Variants in SNX1 observed in about 807,000 individuals in gnomAD.
SNX1 encodes the protein sorting nexin-1.
SNX1 carries 36 observed loss-of-function variants against 71.8 expected under a neutral mutation model. The ratio of observed to expected loss-of-function variants is 0.50; its 90% CI spans 0.38 to 0.66. The LOEUF (loss-of-function observed/expected upper bound fraction) is 0.66, where lower values mean the gene tolerates loss of function less well. Among genes scored for constraint, SNX1 ranks in the 30% least tolerant of loss-of-function variants. SNX1 has a pLI of 0.00. For synonymous variants in SNX1, 254 were observed against 240.7 expected, an observed-to-expected ratio of 1.06 and a Z score of -0.51; for missense variants, 612 against 646.7, an observed-to-expected ratio of 0.95 and a Z score of 0.58.
At chr15:64,097,881 G>A (rs2080919554) in intron 1 of SNX1, among the ~76,000 whole-genome samples, 1 of 152,192 alleles carries the variant, frequency 6.6e-6, no homozygotes, top group African/African-American at 2.4e-5. Context: ...TTCCTCATTT[G>A]TGTCAGATTT....
chr15:64,096,308 A>G, intron 1 of SNX1, 136 bp downstream of exon 1: 1 of 1,052,900 alleles, frequency 9.5e-7, no homozygotes, highest in Non-Finnish European at 1.3e-6. Flanking sequence ...GGCCCCGGGG[A>G]CCCTGGATGT....
At chr15:64,130,432 C>G in intron 10 of SNX1, 111 bp downstream of exon 10, 1 of 859,576 alleles carries the variant, frequency 1.2e-6, no homozygotes. Flanking sequence ...TTGAAATTCT[C>G]AGCCCACCTG....
rs10678401 is a variant in SNX1, at chr15:64,140,983, T to TAGATAGATAGATAGATAGATAGATAGATA, written c.*3365_*3366insAGATAGATAGATAGATAGATAGATAGATA. 11 of 148,780 alleles carry TAGATAGATAGATAGATAGATAGATAGATA rather than the reference T, an allele frequency of 7.4e-5. No homozygotes were observed. The highest frequency in any genetic ancestry group is 2.0e-4 in the East Asian group (1 of 5,122). The allele number at this position is 148,780 out of a possible 1,614,324, so 9.2% of individuals were successfully genotyped here. Reference sequence around the variant, plus strand: ...GCTCTCACCATACAGTGCAAAGAGATGATAGATAGATAGATAGATAGATAG... The same window carrying TAGATAGATAGATAGATAGATAGATAGATA: ...GCTCTCACCATACAGTGCAAAGAGATAGATAGATAGATAGATAGATAGATAGATAGATAGATAGATAGATAGATAGATAG... On this transcript the variant is annotated 3_prime_UTR_variant, in exon 15 of 15. Transcript: ENST00000559844.
At chr15:64,100,004 G>A (rs1206071763) in intron 1 of SNX1, among the ~76,000 whole-genome samples, 1 of 152,184 alleles carries the variant, frequency 6.6e-6, no homozygotes, top group Non-Finnish European at 1.5e-5. Flanking sequence ...GAGCCACCAT[G>A]CCCGACCGAC....
intron 11 of SNX1, among the ~76,000 whole-genome samples, chr15:64,133,610 A>T (rs2081329013): frequency 1.3e-5 from 2 of 152,208 alleles, no homozygotes; most frequent in South Asian, 4.1e-4. Flanking sequence ...TGTGCCTATA[A>T]TCCCAGCTAC....
chr15:64,138,323 CTCTTT>C lies in SNX1; in HGVS notation c.*707_*711del, dbSNP rs1381206119. On this transcript the variant is annotated 3_prime_UTR_variant, in exon 15 of 15. Transcript: ENST00000559844. ...CAAAGGAGGCAGAGACTTTCTCTCT[CTCTTT>C]TTTTTTTTTTTTTGGTGTCCCTATC... 12 of 694,192 alleles carry C rather than the reference CTCTTT, an allele frequency of 1.7e-5. No homozygotes were observed. The highest frequency in any genetic ancestry group is 1.7e-4 in the African/African-American group (8 of 47,974). The allele number at this position is 694,192 out of a possible 1,614,324, so 43.0% of individuals were successfully genotyped here.
Position 64,130,294 on chromosome 15 carries a change from G to C in SNX1, c.988G>C (p.Val330Leu). 6.2e-6 allele frequency: 10 copies of C among 1,614,124 alleles called. No individual in the cohort carries two copies. The highest frequency in any genetic ancestry group is 8.5e-6 in the Non-Finnish European group (10 of 1,179,984). The change falls in exon 10 of 15, where the codon GTA (valine) becomes CTA (leucine). Residue 330 changes from valine to leucine, a missense_variant. This residue lies in a region of SNX1 where 296 missense variants were observed against 361.9 expected (regional missense o/e 0.82). Transcript: ENST00000559844. ...GCGCTTACGGAAACTGCATGCTGTTGTAGAAACTCTAGTCAACCATAGGAA... is the reference window on the plus strand; with the variant it reads ...GCGCTTACGGAAACTGCATGCTGTTCTAGAAACTCTAGTCAACCATAGGAA... ...EQRLRKLHAV[V>L]ETLVNHRKEL...
Position 64,096,099 on chromosome 15 carries a change from C to T in SNX1, c.86C>T (p.Ala29Val), listed in dbSNP as rs1352814254. 2 of 1,565,858 alleles carry T rather than the reference C, an allele frequency of 1.3e-6. No homozygotes were observed. The highest frequency in any genetic ancestry group is 1.9e-5 in the Admixed American group (1 of 51,978). ...CTGGAGCCGGAGTCCGAGGGGGCGG[C>T]CGGGGGATCAGAACCCGAGGCTGGG... is the stretch of plus-strand genomic sequence containing the variant. ...PGLEPESEGAAGGSEPEAGDS... is the reference protein window; with the variant it reads ...PGLEPESEGAVGGSEPEAGDS... The change falls in exon 1 of 15, where the codon GCC (alanine) becomes GTC (valine). Residue 29 changes from alanine to valine, a missense_variant. Around this residue, in one of 2 missense-constraint regions of SNX1, gnomAD observed 316 missense variants for 284.9 expected, o/e 1.11. Coordinates refer to ENST00000559844, the MANE Select transcript of SNX1 (RefSeq NM_003099.5).
At chr15:64,118,688 A>G in intron 3 of SNX1, 100 bp from the exon 4 acceptor site, 1 of 848,298 alleles carries the variant, frequency 1.2e-6, no homozygotes. Flanking sequence ...ACTGAAGGAT[A>G]CATCTTGATT....
rs200079069 is a variant in SNX1, at chr15:64,118,231, C to T, written c.386C>T (p.Pro129Leu). The T allele has an allele frequency of 6.2e-7, 1 of 1,613,504 alleles. No individual in the cohort carries two copies. The highest frequency in any genetic ancestry group is 8.5e-7 in the Non-Finnish European group (1 of 1,179,830). The change falls in exon 3 of 15, where the codon CCA (proline) becomes CTA (leucine). Residue 129 changes from proline (P) to leucine (L), a missense_variant. Physicochemically the swap from Pro to Leu is moderately conservative, Grantham distance 98. Coordinates refer to ENST00000559844, the MANE Select transcript of SNX1 (RefSeq NM_003099.5). ...GCCACAAATTCTTCGAAGCCCCAGC[C>T]AACCTATGAGGAGGTGAGGATCTGT... is the stretch of plus-strand genomic sequence containing the variant. ...QEATNSSKPQ[P>L]TYEELEEEEQ... is the part of the protein sequence containing the mutation.
chr15:64,118,153 A>T lies in SNX1; in HGVS notation c.308A>T (p.Asn103Ile), dbSNP rs186954122. 696 of 1,612,194 alleles carry T rather than the reference A, an allele frequency of 4.3e-4. No individual in the cohort carries two copies. The highest frequency in any genetic ancestry group is 5.0e-5 in the Non-Finnish European group (59 of 1,179,556). ...GAGCTATCCTTGGACAGCACACAAAATAATCAGAAGAAGGTGCTAGCCAAA... is the reference window on the plus strand; with the variant it reads ...GAGCTATCCTTGGACAGCACACAAATTAATCAGAAGAAGGTGCTAGCCAAA... ...TVELSLDSTQ[N>I]NQKKVLAKTL... Residue 103 changes from asparagine to isoleucine, a missense_variant, in exon 3 of 15, where the codon AAT becomes ATT. Around this residue, in one of 2 missense-constraint regions of SNX1, gnomAD observed 316 missense variants for 284.9 expected, o/e 1.11. Transcript: ENST00000559844.
Position 64,096,002 on chromosome 15 carries a change from G to T in SNX1, c.-12G>T. 1 of 1,595,528 alleles carries T rather than the reference G, an allele frequency of 6.3e-7. No individual in the cohort carries two copies. Among genetic ancestry groups the T allele is most frequent in the Non-Finnish European group, 8.5e-7 (1 of 1,174,746 alleles). ...AAGTTGTTGTTGCGGCTTCCGCCGC[G>T]GGTGGAAGAAGATGGCGTCGGGTGG... On this transcript the variant is annotated 5_prime_UTR_variant, in exon 1 of 15. Coordinates refer to ENST00000559844, the MANE Select transcript of SNX1 (RefSeq NM_003099.5).
intron 4 of SNX1, 121 bp downstream of exon 4, chr15:64,118,975 C>T: frequency 1.5e-6 from 1 of 682,794 alleles, no homozygotes; most frequent in Non-Finnish European, 2.5e-6. Context: ...TCATTAGTAT[C>T]TTTTCTGTAA....
At position 64,136,951 on chromosome 15, in the gene SNX1, A is replaced by G. The variant is rs1014086918; in HGVS notation, c.1518+19A>G. ...GCAGCAGGTATGTAAGTTGTGTGTGACCTTCATCCTCTACTGCCTGCTCCA... is the reference window on the plus strand; with the variant it reads ...GCAGCAGGTATGTAAGTTGTGTGTGGCCTTCATCCTCTACTGCCTGCTCCA... On this transcript the variant is annotated intron_variant, in intron 14 of 14. Coordinates refer to ENST00000559844, the MANE Select transcript of SNX1 (RefSeq NM_003099.5). 8.7e-6 allele frequency: 14 copies of G among 1,606,678 alleles called. 1 individual carries two copies. Among genetic ancestry groups the G allele is most frequent in the Non-Finnish European group, 9.4e-6 (11 of 1,173,660 alleles).
chr15:64,113,561 C>A (rs555762124), intron 2 of SNX1, among the ~76,000 whole-genome samples: 1 of 152,212 alleles, frequency 6.6e-6, no homozygotes, highest in South Asian at 2.1e-4. Flanking sequence ...GGCTCACACC[C>A]GTAATCCCAG....
In SNX1 at chr15:64,143,243, A is replaced by C. The variant is rs2081432660; in HGVS notation, c.*5625A>C. On this transcript the variant is annotated 3_prime_UTR_variant, in exon 15 of 15. Coordinates refer to ENST00000559844, the MANE Select transcript of SNX1 (RefSeq NM_003099.5). Reference sequence around the variant, plus strand: ...GACACTGGCTAAGATTCTCTGCTCCATGTTTGGACAGGGTCGTGCCTGATC... The same window carrying C: ...GACACTGGCTAAGATTCTCTGCTCCCTGTTTGGACAGGGTCGTGCCTGATC... 6.6e-6 allele frequency: 1 copy of C among 152,452 alleles called. No homozygotes were observed. Among genetic ancestry groups the C allele is most frequent in the East Asian group, 1.9e-4 (1 of 5,206 alleles). The allele number at this position is 152,452 out of a possible 1,614,324, so 9.4% of individuals were successfully genotyped here.
intron 2 of SNX1, among the ~76,000 whole-genome samples, chr15:64,114,266 C>T (rs184054360): frequency 2.0e-5 from 3 of 151,878 alleles, no homozygotes; most frequent in Admixed American, 1.3e-4. Flanking sequence ...AAAGACTGAA[C>T]ATAAGGTAAT....
chr15:64,105,247 A>G (rs1256493670), intron 1 of SNX1, among the ~76,000 whole-genome samples: 2 of 151,468 alleles, frequency 1.3e-5, no homozygotes, highest in Non-Finnish European at 2.9e-5. Flanking sequence ...GGGGCTTATG[A>G]GAGAAACAAT....
chr15:64,143,362 A>G lies in SNX1; in HGVS notation c.*5744A>G, dbSNP rs1159841536. The G allele has an allele frequency of 6.6e-6, 1 of 152,222 alleles. No individual in the cohort carries two copies. Among genetic ancestry groups the G allele is most frequent in the Non-Finnish European group, 1.5e-5 (1 of 68,050 alleles). The allele number at this position is 152,222 out of a possible 1,614,324, so 9.4% of individuals were successfully genotyped here. On this transcript the variant is annotated 3_prime_UTR_variant, in exon 15 of 15. Transcript: ENST00000559844. ...CTTGTGATAAAGTTGGGTGATTTAC[A>G]GTCTCCACCAAATGCTAAACTCTGG...
Sources: gnomAD v4.1 joint callset for allele counts (sites outside exome capture counted in the v4.1 genomes callset) on GRCh38, gnomAD v4.1.1 for gene constraint, gnomAD v4.1.1 regional missense constraint, MANE v1.5 for transcripts, NCBI Gene and HGNC (gene_info 2026-07-23, HGNC 2026-07-21) for gene names.